NRG1: variants seen among roughly 807,000 people sequenced by gnomAD.
NRG1 encodes neuregulin 1.
In NRG1, 18 loss-of-function variants were observed where a neutral mutation model predicts 63.8. The observed-to-expected ratio is 0.28, with a 90% CI of 0.19 to 0.42. NRG1 has a LOEUF of 0.42. Among genes scored for constraint, NRG1 ranks in the 10% least tolerant of loss-of-function variants. The pLI, the probability that NRG1 is intolerant of heterozygous loss-of-function variation, is 1.00. For synonymous variants in NRG1, 302 were observed against 301.3 expected (o/e 1.00, Z -0.02); for missense variants, 762 against 814.7 (o/e 0.94, Z 0.79).
At chr8:32,739,740 G>C (rs539964948) in intron 6 of NRG1, among the ~76,000 whole-genome samples, 6 of 152,224 alleles carry the variant, frequency 3.9e-5, no homozygotes, top group African/African-American at 1.4e-4. Context: ...TGATTCCTTA[G>C]CTATTTGTTA....
intron 1 of NRG1, among the ~76,000 whole-genome samples, chr8:32,497,706 G>A (rs1021751577): frequency 2.0e-5 from 3 of 152,194 alleles, no homozygotes; most frequent in Admixed American, 6.5e-5. Context: ...AGGAACATGC[G>A]AGGGGACTGT....
chr8:32,169,311 C>T (rs1839748230), intron 1 of NRG1, among the ~76,000 whole-genome samples: 1 of 152,148 alleles, frequency 6.6e-6, no homozygotes, highest in African/African-American at 2.4e-5. Context: ...AATTGGTTTT[C>T]ATAAAACTAG....
intron 1 of NRG1, among the ~76,000 whole-genome samples, chr8:32,024,432 C>G (rs1816929552): frequency 6.6e-6 from 1 of 152,140 alleles, no homozygotes; most frequent in Non-Finnish European, 1.5e-5. Context: ...AGGAAGGAAG[C>G]AAGGCTACAG....
intron 1 of NRG1, among the ~76,000 whole-genome samples, chr8:32,027,276 T>C (rs1817526595): frequency 6.6e-6 from 1 of 152,192 alleles, no homozygotes; most frequent in South Asian, 2.1e-4. Flanking sequence ...AGTATAAAGA[T>C]GTCTCATGGA....
chr8:32,502,351 GC>G (rs1228650281), intron 1 of NRG1, among the ~76,000 whole-genome samples: 2 of 150,182 alleles, frequency 1.3e-5, no homozygotes, highest in Admixed American at 6.7e-5. Flanking sequence ...TGAGAAATCT[GC>G]CCCCATGATT....
intron 1 of NRG1, among the ~76,000 whole-genome samples, chr8:31,738,554 G>C (rs1814929772): frequency 6.6e-6 from 1 of 151,950 alleles, no homozygotes; most frequent in Non-Finnish European, 1.5e-5. Context: ...CTCTTTCCAG[G>C]TCTTTCAGTG....
chr8:32,249,319 T>C (rs946142610), intron 1 of NRG1, among the ~76,000 whole-genome samples: 1 of 152,056 alleles, frequency 6.6e-6, no homozygotes, highest in Non-Finnish European at 1.5e-5. Flanking sequence ...CCTTTCTGAA[T>C]TACAGACATG....
intron 1 of NRG1, among the ~76,000 whole-genome samples, chr8:32,242,481 A>G (rs1227064482): frequency 6.6e-6 from 1 of 152,204 alleles, no homozygotes; most frequent in East Asian, 1.9e-4. Flanking sequence ...CTCAAAAAGA[A>G]AAAAGAAAAA....
intron 1 of NRG1, among the ~76,000 whole-genome samples, chr8:31,904,467 T>C (rs1055561783): frequency 6.6e-6 from 1 of 152,234 alleles, no homozygotes; most frequent in Non-Finnish European, 1.5e-5. Context: ...CCTCAGCTAC[T>C]GTGGAAAGCA....
chr8:32,084,643 G>A (rs1447834753), intron 1 of NRG1, among the ~76,000 whole-genome samples: 1 of 152,282 alleles, frequency 6.6e-6, no homozygotes, highest in Non-Finnish European at 1.5e-5. Flanking sequence ...ATCCACTAAT[G>A]TTTGTAAAAT....
intron 6 of NRG1, among the ~76,000 whole-genome samples, chr8:32,732,497 T>C (rs1234349315): frequency 6.6e-6 from 1 of 152,186 alleles, no homozygotes; most frequent in Non-Finnish European, 1.5e-5. Context: ...CAGATGTGCC[T>C]TCATCTGGAG....
intron 1 of NRG1, among the ~76,000 whole-genome samples, chr8:31,853,595 C>T (rs1827499641): frequency 1.3e-5 from 2 of 150,760 alleles, no homozygotes; most frequent in Admixed American, 1.3e-4. Flanking sequence ...TAATTGAATA[C>T]CCTTTATTTC....
At chr8:32,177,442 A>T (rs1840911786) in intron 1 of NRG1, among the ~76,000 whole-genome samples, 2 of 152,102 alleles carry the variant, frequency 1.3e-5, no homozygotes, top group African/African-American at 2.4e-5. Context: ...ACTAACCTGC[A>T]TGTTGTGTAC....
intron 1 of NRG1, among the ~76,000 whole-genome samples, chr8:31,709,255 C>G (rs1811498110): frequency 6.7e-6 from 1 of 149,090 alleles, no homozygotes; most frequent in Non-Finnish European, 1.5e-5. Flanking sequence ...TTATCTTGTG[C>G]TGTATCTCTA....
intron 1 of NRG1, among the ~76,000 whole-genome samples, chr8:31,828,260 A>G (rs945241832): frequency 6.6e-6 from 1 of 152,224 alleles, no homozygotes; most frequent in African/African-American, 2.4e-5. Flanking sequence ...TTCTCTGATC[A>G]ATAATTGACG....
intron 1 of NRG1, among the ~76,000 whole-genome samples, chr8:32,372,572 G>A (rs548603088): frequency 1.5e-4 from 23 of 152,176 alleles, no homozygotes; most frequent in African/African-American, 4.1e-4. Flanking sequence ...ATTTGCGGGC[G>A]GGATAGGGGA....
At chr8:32,556,485 C>T (rs1279436738) in intron 1 of NRG1, among the ~76,000 whole-genome samples, 1 of 152,094 alleles carries the variant, frequency 6.6e-6, no homozygotes, top group East Asian at 1.9e-4. Flanking sequence ...TGTTATTGCA[C>T]CTTATCTTAA....
At chr8:31,897,900 A>G (rs1831716328) in intron 1 of NRG1, among the ~76,000 whole-genome samples, 1 of 151,466 alleles carries the variant, frequency 6.6e-6, no homozygotes, top group African/African-American at 2.4e-5. Context: ...GGTGCCTGTA[A>G]TCTCAGCTAC....
chr8:32,560,819 T>C (rs554656628), intron 1 of NRG1, among the ~76,000 whole-genome samples: 2 of 152,244 alleles, frequency 1.3e-5, no homozygotes, highest in Non-Finnish European at 2.9e-5. Flanking sequence ...AACTAAGAAA[T>C]GGATTAAGAT....
Sources: gnomAD v4.1 joint callset for allele counts (sites outside exome capture counted in the v4.1 genomes callset) on GRCh38, gnomAD v4.1.1 for gene constraint, MANE v1.5 for transcripts, NCBI Gene and HGNC (gene_info 2026-07-23, HGNC 2026-07-21) for gene names.